Variants in STOML3 observed in about 807,000 individuals in gnomAD.
The protein encoded by STOML3 is stomatin like 3.
A neutral mutation model predicts 29.5 loss-of-function variants in STOML3; 31 were observed. The ratio of observed to expected loss-of-function variants is 1.05; its 90% CI spans 0.79 to 1.42. The LOEUF (loss-of-function observed/expected upper bound fraction) is 1.42. STOML3 is among the 40% of genes most tolerant of loss of function. The pLI is 0.00. For missense variants in STOML3, 380 were observed against 363.0 expected (o/e 1.05, Z -0.38); for synonymous variants, 122 against 139.8 (o/e 0.87, Z 0.90).
chr13:38,984,333 C>T (rs1423961535), intron 1 of STOML3, among the ~76,000 whole-genome samples: 1 of 152,128 alleles, frequency 6.6e-6, no homozygotes, highest in Non-Finnish European at 1.5e-5. Flanking sequence ...CCACATTTTC[C>T]TCAGCAGGCC....
rs188436770 is a variant in STOML3, at chr13:38,984,970, A to C, written c.52+5700T>G. On this transcript the variant is annotated intron_variant, in intron 1 of 6. Coordinates refer to ENST00000379631, the MANE Select transcript of STOML3 (RefSeq NM_145286.3). ...TGAGGGTGATGTTCAGCAACATAAT[A>C]GATTTACTGATCTGTTGGAAAGTCC... Among the ~76,000 whole-genome samples, 634 of 152,308 alleles carry C rather than the reference A, an allele frequency of 4.2e-3. 6 individuals are homozygous for C. The highest frequency in any genetic ancestry group is 0.014 in the African/African-American group (582 of 41,566).
At chr13:38,967,164 G>A (rs1351038644) in intron 6 of STOML3, 115 bp from the exon 7 acceptor site, 8 of 871,544 alleles carry the variant, frequency 9.2e-6, no homozygotes, top group Non-Finnish European at 1.4e-5. Flanking sequence ...TGCCACATGT[G>A]TTTCATCTAC....
At chr13:38,971,479 C>T (rs952280057) in intron 4 of STOML3, among the ~76,000 whole-genome samples, 1 of 152,150 alleles carries the variant, frequency 6.6e-6, no homozygotes, top group East Asian at 1.9e-4. Context: ...ATCACCATTG[C>T]CCTCCCATAT....
Position 38,968,443 on chromosome 13 carries a change from G to T in STOML3, c.608C>A (p.Ser203Tyr). 1 of 1,614,110 alleles carries T rather than the reference G, an allele frequency of 6.2e-7. No homozygotes were observed. Among genetic ancestry groups the T allele is most frequent in the Non-Finnish European group, 8.5e-7 (1 of 1,180,020 alleles). ...GGTGGCCTCAGCCTCGGCTGCCATG[G>T]ATCTCTGCAACTGCACGGGAATCCG... ...DVRIPVQLQR[S>Y]MAAEAEATRE... Residue 203 changes from serine (S) to tyrosine (Y), a missense_variant, in exon 6 of 7, where the codon TCC (serine) becomes TAC (tyrosine). Physicochemically the swap from Ser to Tyr is moderately radical, Grantham distance 144. Transcript: ENST00000379631.
intron 3 of STOML3, among the ~76,000 whole-genome samples, chr13:38,974,428 A>T (rs1453628874): frequency 2.0e-5 from 3 of 152,092 alleles, no homozygotes; most frequent in Non-Finnish European, 4.4e-5. Context: ...CATGGACCTG[A>T]GAACTAGACA....
At chr13:38,975,917 T>C (rs1187736331) in intron 3 of STOML3, among the ~76,000 whole-genome samples, 1 of 152,164 alleles carries the variant, frequency 6.6e-6, no homozygotes, top group Non-Finnish European at 1.5e-5. Context: ...CACTATACTA[T>C]ACTAGATGTT....
rs1394070908 is a variant in STOML3, at chr13:38,968,424, C to A, written c.627G>T (p.Glu209Asp). The change falls in exon 6 of 7, where the codon GAG (glutamate) becomes GAT (aspartate). Residue 209 changes from glutamate to aspartate, a missense_variant. Coordinates refer to ENST00000379631, the MANE Select transcript of STOML3 (RefSeq NM_145286.3). ...QLQRSMAAEA[E>D]ATREARAKVL... ...CCTTGGCTCTCGCTTCCCGGGTGGC[C>A]TCAGCCTCGGCTGCCATGGATCTCT... 1 of 1,614,028 alleles carries A rather than the reference C, an allele frequency of 6.2e-7. No homozygotes were observed. The highest frequency in any genetic ancestry group is 8.5e-7 in the Non-Finnish European group (1 of 1,180,036).
intron 1 of STOML3, among the ~76,000 whole-genome samples, chr13:38,984,177 G>T (rs1478256258): frequency 6.6e-6 from 1 of 152,146 alleles, no homozygotes; most frequent in Non-Finnish European, 1.5e-5. Flanking sequence ...TGGTCTTTCA[G>T]TGTGGGTCTA....
At position 38,976,527 on chromosome 13, in the gene STOML3, GC is replaced by G. The variant is rs1881079187; in HGVS notation, c.229+12del. The G allele has an allele frequency of 1.9e-6, 3 of 1,614,020 alleles. No individual in the cohort carries two copies. Among genetic ancestry groups the G allele is most frequent in the Non-Finnish European group, 2.5e-6 (3 of 1,179,964 alleles). On this transcript the variant is annotated intron_variant, in intron 3 of 6. Coordinates refer to ENST00000379631, the MANE Select transcript of STOML3 (RefSeq NM_145286.3). Reference sequence around the variant, plus strand: ...CCCTGATCTTTCAGGGGCAGCCACCGCGTCATTCATACCTGGCCCCTTGGCT... The same window carrying G: ...CCCTGATCTTTCAGGGGCAGCCACCGGTCATTCATACCTGGCCCCTTGGCT...
At chr13:38,984,519 A>G (rs576351682) in intron 1 of STOML3, among the ~76,000 whole-genome samples, 3 of 152,194 alleles carry the variant, frequency 2.0e-5, no homozygotes, top group Admixed American at 6.5e-5. Context: ...TTTTTATTGT[A>G]CCTTTTCTAT....
chr13:38,980,132 C>A (rs1320654394), intron 1 of STOML3: 3 of 1,551,224 alleles, frequency 1.9e-6, no homozygotes, highest in African/African-American at 1.4e-5. Flanking sequence ...AGGTAATAGA[C>A]GTGCTGAGAG....
rs780698284 is a variant in STOML3, at chr13:38,972,484, C to A, written c.312+28G>T. 2.5e-6 allele frequency: 4 copies of A among 1,594,078 alleles called. No homozygotes were observed. The South Asian group carries it at 3.4e-5, about 13-fold the overall frequency. Reference sequence around the variant, plus strand: ...AATAGAGAAAATACAAGTTTAATTTCGAGTGACATATCCTTAATCAGTACT... The same window carrying A: ...AATAGAGAAAATACAAGTTTAATTTAGAGTGACATATCCTTAATCAGTACT... On this transcript the variant is annotated intron_variant, in intron 4 of 6. Transcript: ENST00000379631.
In STOML3 at chr13:38,967,049, C is replaced by T; in HGVS notation, c.652G>A (p.Val218Ile). The T allele has an allele frequency of 6.2e-7, 1 of 1,611,682 alleles. No individual in the cohort carries two copies. Among genetic ancestry groups the T allele is most frequent in the Non-Finnish European group, 8.5e-7 (1 of 1,178,970 alleles). ...TTCATTTCTCCTTCAGCTGCAAGGA[C>T]CTGAAATGACAGAAATAAAATCGTT... is the stretch of plus-strand genomic sequence containing the variant. ...AEATREARAK[V>I]LAAEGEMNAS... Residue 218 changes from valine to isoleucine, a missense_variant and splice_region_variant, in exon 7 of 7, where the codon GTC becomes ATC. Coordinates refer to ENST00000379631, the MANE Select transcript of STOML3 (RefSeq NM_145286.3).
Position 38,966,936 on chromosome 13 carries a change from C to A in STOML3, c.765G>T (p.Thr255=). 1 of 1,613,978 alleles carries A rather than the reference C, an allele frequency of 6.2e-7. No individual in the cohort carries two copies. Among genetic ancestry groups the A allele is most frequent in the Non-Finnish European group, 8.5e-7 (1 of 1,180,008 alleles). The change falls in exon 7 of 7, where the codon ACG becomes ACT. Residue 255 remains threonine, a synonymous_variant. Transcript: ENST00000379631. ...TCGTAGAATTCTTCTCGGTGGCTAC[C>A]GTGCTCAAGGTCTGCAGGTAGCGCA... ...LQLRYLQTLS[T]VATEKNSTIV...
At chr13:38,968,630 T>C in intron 5 of STOML3, 96 bp from the exon 6 acceptor site, 1 of 1,420,452 alleles carries the variant, frequency 7.0e-7, no homozygotes, top group Non-Finnish European at 9.5e-7. Flanking sequence ...ATTTTTCTTT[T>C]TTTTCTTTTT....
intron 1 of STOML3, among the ~76,000 whole-genome samples, chr13:38,982,958 CT>C (rs1196259627): frequency 6.6e-6 from 1 of 152,108 alleles, no homozygotes; most frequent in African/African-American, 2.4e-5. Context: ...GAATTTTCCC[CT>C]ATCTGTCTGT....
chr13:38,974,575 A>T (rs2138012321), intron 3 of STOML3, among the ~76,000 whole-genome samples: 1 of 152,270 alleles, frequency 6.6e-6, no homozygotes, highest in Admixed American at 6.5e-5. Flanking sequence ...AGTACTAAAT[A>T]CAGTGCCAGG....
intron 1 of STOML3, among the ~76,000 whole-genome samples, chr13:38,989,777 C>T (rs1868924340): frequency 6.6e-6 from 1 of 152,134 alleles, no homozygotes; most frequent in Admixed American, 6.6e-5. Context: ...GATTACAGGG[C>T]ATGCACCAGT....
At chr13:38,983,011 C>T (rs369701599) in intron 1 of STOML3, among the ~76,000 whole-genome samples, 13 of 152,296 alleles carry the variant, frequency 8.5e-5, no homozygotes, top group African/African-American at 3.1e-4. Flanking sequence ...CAGACACAGG[C>T]ATGAGTGACT....
Sources: allele counts gnomAD v4.1 joint callset (sites outside exome capture counted in the v4.1 genomes callset), GRCh38; gene constraint gnomAD v4.1.1; transcripts MANE v1.5; gene names NCBI Gene and HGNC (gene_info 2026-07-23, HGNC 2026-07-21).